MAN1C1: variants seen among roughly 807,000 people sequenced by gnomAD.
The protein encoded by MAN1C1 is mannosyl-oligosaccharide 1,2-alpha-mannosidase IC.
A neutral mutation model predicts 71.5 loss-of-function variants in MAN1C1; 49 were observed. The ratio of observed to expected loss-of-function variants is 0.69; its 90% CI spans 0.54 to 0.87. The LOEUF (loss-of-function observed/expected upper bound fraction) is 0.87. Among genes scored for constraint, MAN1C1 ranks in the 40% least tolerant of loss-of-function variants. MAN1C1 has a pLI of 0.00. For missense variants in MAN1C1, 743 were observed against 835.0 expected (o/e 0.89, Z 1.36); for synonymous variants, 352 against 343.7 (o/e 1.02, Z -0.27).
At position 25,769,772 on chromosome 1, in the gene MAN1C1, GAGGCAGACCCGTACGC is replaced by G. The variant is rs2047521180; in HGVS notation, c.1142-1879_1142-1864del. Among the ~76,000 whole-genome samples, 1 of 152,236 alleles carries G rather than the reference GAGGCAGACCCGTACGC, an allele frequency of 6.6e-6. No homozygotes were observed. Among genetic ancestry groups the G allele is most frequent in the Non-Finnish European group, 1.5e-5 (1 of 68,030 alleles). On this transcript the variant is annotated intron_variant, in intron 7 of 11. Coordinates refer to ENST00000374332, the MANE Select transcript of MAN1C1 (RefSeq NM_020379.4). This position sits in a 1 kb window ranked among gnomAD's most constrained non-coding sequence, Gnocchi z 4.8. ...ACAAAGAGCCCACGAGCTAGTGAGG[GAGGCAGACCCGTACGC>G]AGGCACTCATCGCACACCCGGCGGG...
In MAN1C1 at chr1:25,783,913, C is replaced by T. The variant is rs374855657; in HGVS notation, c.*124C>T. On this transcript the variant is annotated 3_prime_UTR_variant, in exon 12 of 12. Coordinates refer to ENST00000374332, the MANE Select transcript of MAN1C1 (RefSeq NM_020379.4). ...TCGGGCAGACCCCCAGCAGATGTGT[C>T]GGACAAGCAACTTCTTTTCCTCTGT... is the stretch of plus-strand genomic sequence containing the variant. 125 of 1,288,928 alleles carry T rather than the reference C, an allele frequency of 9.7e-5. 2 individuals carry two copies. Among genetic ancestry groups the T allele is most frequent in the South Asian group, 5.2e-4 (35 of 67,910 alleles). 79.8% of individuals were successfully genotyped at this position (1,288,928 alleles called of 1,614,324 possible). A position where few individuals can be genotyped will look rare whatever the true frequency, so the allele number is the denominator to read the frequency against.
At chr1:25,632,538 C>T (rs1280039528) in intron 1 of MAN1C1, among the ~76,000 whole-genome samples, 3 of 151,888 alleles carry the variant, frequency 2.0e-5, no homozygotes, top group Non-Finnish European at 4.4e-5. Flanking sequence ...CCTCTGCTAG[C>T]TTTGGGTTTG....
At chr1:25,726,157 G>A (rs955696527) in intron 2 of MAN1C1, among the ~76,000 whole-genome samples, 29 of 152,166 alleles carry the variant, frequency 1.9e-4, no homozygotes, top group Admixed American at 1.9e-3. Context: ...TGGTTTGCTT[G>A]GATCTCTGCC....
intron 2 of MAN1C1, 124 bp downstream of exon 2, chr1:25,686,660 G>C (rs2046236042): frequency 1.2e-5 from 9 of 761,120 alleles, no homozygotes; most frequent in Middle Eastern, 2.9e-4. Flanking sequence ...TCCAGATCTG[G>C]GGCCTTCCAA....
In MAN1C1 at chr1:25,782,719, T is replaced by TC. The variant is rs898496861; in HGVS notation, c.1766+21dup. Reference sequence around the variant, plus strand: ...CACTAAAGTGAGCAGTGTGGGCTCTTCCTAGGGATGGACAGGTGGGAGGTT... The same window carrying TC: ...CACTAAAGTGAGCAGTGTGGGCTCTTCCCTAGGGATGGACAGGTGGGAGGTT... On this transcript the variant is annotated intron_variant, in intron 11 of 11. Transcript: ENST00000374332. The surrounding 1 kb of genome is among the most constrained non-coding windows in gnomAD (Gnocchi z 4.4). 6.3e-7 allele frequency: 1 copy of TC among 1,580,174 alleles called. No individual in the cohort carries two copies. The highest frequency in any genetic ancestry group is 8.7e-7 in the Non-Finnish European group (1 of 1,149,432).
chr1:25,717,564 G>A (rs1411554197), intron 2 of MAN1C1, among the ~76,000 whole-genome samples: 1 of 149,714 alleles, frequency 6.7e-6, no homozygotes, highest in Admixed American at 6.7e-5. Flanking sequence ...CAAAGCAGAT[G>A]TACCATTTTC....
intron 2 of MAN1C1, among the ~76,000 whole-genome samples, chr1:25,698,695 T>A (rs2046398155): frequency 6.6e-6 from 1 of 152,166 alleles, no homozygotes; most frequent in Non-Finnish European, 1.5e-5. Context: ...TTCATGCCTG[T>A]AATCCCAGCA....
At chr1:25,656,828 CTTT>C (rs34652808) in intron 1 of MAN1C1, among the ~76,000 whole-genome samples, 7 of 140,784 alleles carry the variant, frequency 5.0e-5, no homozygotes, top group Admixed American at 7.0e-5. Context: ...AACCTTGCGT[CTTT>C]TTTTTTTTTT....
rs553273861 is a variant in MAN1C1, at chr1:25,776,339, T to C, written c.1258-1766T>C. ...GCCGAGGTGGGTGGATCCCCTGAGG[T>C]CAGGAGTTCAAGACCAGCCTGGCCA... On this transcript the variant is annotated intron_variant, in intron 8 of 11. Transcript: ENST00000374332. This position sits in a 1 kb window ranked among gnomAD's most constrained non-coding sequence, Gnocchi z 4.3. Among the ~76,000 whole-genome samples, 26 of 152,084 alleles carry C rather than the reference T, an allele frequency of 1.7e-4. No homozygotes were observed. The highest frequency in any genetic ancestry group is 5.8e-4 in the African/African-American group (24 of 41,482).
intron 2 of MAN1C1, among the ~76,000 whole-genome samples, chr1:25,745,969 C>T (rs927832991): frequency 5.3e-5 from 8 of 150,992 alleles, no homozygotes; most frequent in Admixed American, 2.0e-4. Context: ...CCAGTCTGAG[C>T]GACAGAACAA....
At chr1:25,767,193 G>GAC (rs1329782576) in intron 7 of MAN1C1, among the ~76,000 whole-genome samples, 2 of 21,336 alleles carry the variant, frequency 9.4e-5, no homozygotes, top group Non-Finnish European at 2.1e-4. Context: ...CACCCTCCCA[G>GAC]ACACACACAC....
At chr1:25,626,983 T>C (rs144022338) in intron 1 of MAN1C1, among the ~76,000 whole-genome samples, 84 of 152,352 alleles carry the variant, frequency 5.5e-4, no homozygotes, top group Middle Eastern at 3.4e-3. Flanking sequence ...TGAATATTTT[T>C]TAATTCCAGA....
chr1:25,629,659 G>C (rs2045350989), intron 1 of MAN1C1, among the ~76,000 whole-genome samples: 1 of 152,010 alleles, frequency 6.6e-6, no homozygotes, highest in South Asian at 2.1e-4. Flanking sequence ...TACCTCAGGT[G>C]ATCTGCCCAC....
chr1:25,773,423 G>A (rs1557803157), intron 8 of MAN1C1, among the ~76,000 whole-genome samples: 1 of 152,214 alleles, frequency 6.6e-6, no homozygotes, highest in Non-Finnish European at 1.5e-5. Context: ...TGTAGGCTCA[G>A]TAATGATTTT....
chr1:25,757,083 C>G (rs1417796939), intron 5 of MAN1C1, among the ~76,000 whole-genome samples: 1 of 152,178 alleles, frequency 6.6e-6, no homozygotes, highest in Non-Finnish European at 1.5e-5. Flanking sequence ...AGTGTCCCTA[C>G]TTTCCCAGAA....
intron 2 of MAN1C1, among the ~76,000 whole-genome samples, chr1:25,699,587 T>C (rs1466987281): frequency 6.6e-6 from 1 of 152,192 alleles, no homozygotes; most frequent in Non-Finnish European, 1.5e-5. Context: ...CAGCCGTCAG[T>C]CGACTCTGCC....
At chr1:25,628,961 T>C (rs1390777664) in intron 1 of MAN1C1, among the ~76,000 whole-genome samples, 4 of 152,226 alleles carry the variant, frequency 2.6e-5, no homozygotes, top group African/African-American at 9.6e-5. Flanking sequence ...TTCCATGGCA[T>C]ATATATACCA....
chr1:25,768,054 T>C (rs1381300885), intron 7 of MAN1C1, among the ~76,000 whole-genome samples: 9 of 28,306 alleles, frequency 3.2e-4, no homozygotes, highest in East Asian at 1.3e-3. Context: ...ACATCCACAC[T>C]CCCCTCACAC....
At chr1:25,745,819 ACT>A (rs2047120939) in intron 2 of MAN1C1, among the ~76,000 whole-genome samples, 1 of 150,608 alleles carries the variant, frequency 6.6e-6, no homozygotes, top group Non-Finnish European at 1.5e-5. Context: ...GGTGAAACCC[ACT>A]CTCTACTAAA....
Sources: gnomAD v4.1 joint callset for allele counts (sites outside exome capture counted in the v4.1 genomes callset) on GRCh38, gnomAD v4.1.1 for gene constraint, Gnocchi (gnomAD v3.1) non-coding constraint, MANE v1.5 for transcripts, NCBI Gene and HGNC (gene_info 2026-07-23, HGNC 2026-07-21) for gene names.